The following TCF12 variants were observed in gnomAD, a reference collection of about 807,000 sequenced individuals.
TCF12 encodes the protein DNA-binding protein HTF4.
TCF12 carries 45 observed loss-of-function variants against 86.0 expected under a neutral mutation model. The observed-to-expected ratio is 0.52, with a 90% CI of 0.41 to 0.67. TCF12 has a LOEUF of 0.67. Ranked by LOEUF, TCF12 falls within the 30% of genes least tolerant of loss-of-function variation. The pLI is 0.00. For synonymous variants in TCF12, 330 were observed against 299.6 expected (o/e 1.10, Z -1.05); for missense variants, 881 against 859.9 (o/e 1.02, Z -0.31).
intron 13 of TCF12, 128 bp downstream of exon 13, chr15:57,243,678 T>A: frequency 1.4e-6 from 1 of 727,754 alleles, no homozygotes; most frequent in Non-Finnish European, 2.2e-6. Context: ...TAAGAAAGTG[T>A]GTAAAGAGAG....
chr15:57,099,079 G>A (rs2049541698), intron 5 of TCF12, among the ~76,000 whole-genome samples: 1 of 152,192 alleles, frequency 6.6e-6, no homozygotes, highest in Non-Finnish European at 1.5e-5. Flanking sequence ...GGTATGGAAT[G>A]TTTTTAATCA....
chr15:57,103,964 C>T (rs2733197), intron 5 of TCF12, among the ~76,000 whole-genome samples: 3,208 of 152,146 alleles, frequency 0.021, 127 homozygotes, highest in African/African-American at 0.07. Flanking sequence ...ACCAAAATCA[C>T]GCCACTGCAT....
At chr15:57,071,989 G>A (rs894318701) in intron 4 of TCF12, among the ~76,000 whole-genome samples, 8 of 152,164 alleles carry the variant, frequency 5.3e-5, no homozygotes, top group African/African-American at 1.9e-4. Flanking sequence ...AGAAAAAAAT[G>A]TTATCTATTC....
At position 57,286,768 on chromosome 15, in the gene TCF12, G is replaced by C. The variant is rs549200881; in HGVS notation, c.*623G>C. On this transcript the variant is annotated 3_prime_UTR_variant, in exon 21 of 21. Transcript: ENST00000333725. ...CCATGAAATAGGAAAATATTACTTGGTATAGCATTTCTCTTGCTCTCATTT... is the reference window on the plus strand; with the variant it reads ...CCATGAAATAGGAAAATATTACTTGCTATAGCATTTCTCTTGCTCTCATTT... 1.7e-4 allele frequency: 70 copies of C among 405,892 alleles called. No individual in the cohort carries two copies. Among genetic ancestry groups the C allele is most frequent in the Middle Eastern group, 1.4e-3 (4 of 2,824 alleles). 25.1% of individuals were successfully genotyped at this position (405,892 alleles called of 1,614,324 possible).
intron 3 of TCF12, among the ~76,000 whole-genome samples, chr15:57,033,256 T>C (rs1261646711): frequency 6.6e-6 from 1 of 152,182 alleles, no homozygotes; most frequent in Non-Finnish European, 1.5e-5. Flanking sequence ...ATATATATAT[T>C]TGAAGAAATA....
At chr15:56,979,867 AG>A (rs2062802024) in intron 3 of TCF12, among the ~76,000 whole-genome samples, 1 of 152,180 alleles carries the variant, frequency 6.6e-6, no homozygotes. Context: ...ATTCATTTGC[AG>A]AAGTTTTATT....
chr15:57,018,853 T>C (rs1344858932), intron 3 of TCF12, among the ~76,000 whole-genome samples: 1 of 152,228 alleles, frequency 6.6e-6, no homozygotes, highest in African/African-American at 2.4e-5. Flanking sequence ...GTTATTGCTT[T>C]GGATGTTGAT....
intron 5 of TCF12, among the ~76,000 whole-genome samples, chr15:57,128,764 G>A (rs1319416201): frequency 2.0e-5 from 3 of 152,124 alleles, no homozygotes; most frequent in African/African-American, 4.8e-5. Flanking sequence ...TCTGGATATT[G>A]CATATAAATA....
intron 5 of TCF12, among the ~76,000 whole-genome samples, chr15:57,125,533 A>G (rs1300210431): frequency 6.6e-6 from 1 of 152,246 alleles, no homozygotes; most frequent in Admixed American, 6.5e-5. Flanking sequence ...ATTAGCCTTT[A>G]AACTTAAAGA....
intron 8 of TCF12, among the ~76,000 whole-genome samples, chr15:57,202,540 A>G (rs1378899976): frequency 6.7e-6 from 1 of 148,594 alleles, no homozygotes; most frequent in Admixed American, 6.8e-5. Flanking sequence ...GATTCATGCC[A>G]TTCTCCTGCC....
At chr15:57,071,024 A>C (rs2069328562) in intron 4 of TCF12, among the ~76,000 whole-genome samples, 1 of 152,204 alleles carries the variant, frequency 6.6e-6, no homozygotes, top group Non-Finnish European at 1.5e-5. Flanking sequence ...TTGTAAATGC[A>C]TTCAGTTTCT....
chr15:57,203,992 CTGCAAATAAAAATT>C (rs1235062984), intron 8 of TCF12, among the ~76,000 whole-genome samples: 1 of 150,726 alleles, frequency 6.6e-6, no homozygotes, highest in Non-Finnish European at 1.5e-5. Flanking sequence ...AAGAGTCTGC[CTGCAAATAAAAATT>C]TGCTAGCTCT....
intron 19 of TCF12, among the ~76,000 whole-genome samples, chr15:57,277,550 A>T (rs1298655284): frequency 1.4e-5 from 2 of 143,816 alleles, no homozygotes; most frequent in Non-Finnish European, 3.0e-5. Context: ...AATCGCTTGA[A>T]CCCAGGAGGC....
intron 12 of TCF12, among the ~76,000 whole-genome samples, chr15:57,234,968 G>C (rs2059320754): frequency 6.6e-6 from 1 of 152,172 alleles, no homozygotes; most frequent in South Asian, 2.1e-4. Flanking sequence ...GGAGAAGGCA[G>C]AGCACGTTAA....
intron 7 of TCF12, among the ~76,000 whole-genome samples, chr15:57,194,493 C>A (rs769361179): frequency 6.6e-6 from 1 of 152,068 alleles, no homozygotes; most frequent in Admixed American, 6.6e-5. Context: ...CATTGTTAGC[C>A]GCTCTTTCTT....
At chr15:57,079,840 G>T (rs1258368399) in intron 4 of TCF12, among the ~76,000 whole-genome samples, 1 of 152,074 alleles carries the variant, frequency 6.6e-6, no homozygotes, top group African/African-American at 2.4e-5. Context: ...TTTGTTCTTT[G>T]TAGCAATAAG....
chr15:57,264,979 C>G (rs1359865584), intron 18 of TCF12, among the ~76,000 whole-genome samples: 13 of 152,028 alleles, frequency 8.6e-5, no homozygotes. Context: ...ATCTGCCCAC[C>G]TCGGCCTTCC....
chr15:57,196,651 T>C (rs1056483979), intron 7 of TCF12, among the ~76,000 whole-genome samples: 7 of 152,214 alleles, frequency 4.6e-5, no homozygotes, highest in African/African-American at 7.2e-5. Flanking sequence ...ATTTTACATA[T>C]AAGTAAAATT....
At chr15:57,224,962 A>G (rs2058798967) in intron 8 of TCF12, among the ~76,000 whole-genome samples, 1 of 152,148 alleles carries the variant, frequency 6.6e-6, no homozygotes, top group Non-Finnish European at 1.5e-5. Flanking sequence ...ATTGGAGTTT[A>G]TGGCAGAATT....
Sources: allele counts gnomAD v4.1 joint callset (sites outside exome capture counted in the v4.1 genomes callset), GRCh38; gene constraint gnomAD v4.1.1; transcripts MANE v1.5; gene names NCBI Gene and HGNC (gene_info 2026-07-23, HGNC 2026-07-21).